PLXNA2: variants seen among roughly 807,000 people sequenced by gnomAD.
PLXNA2 encodes plexin A2, also known as plexin-A2.
In PLXNA2, 91 loss-of-function variants were observed where a neutral mutation model predicts 193.5. The ratio of observed to expected loss-of-function variants is 0.47; its 90% CI spans 0.40 to 0.56. The LOEUF is 0.56. Among genes scored for constraint, PLXNA2 ranks in the 20% least tolerant of loss-of-function variants. The pLI, the probability that PLXNA2 is intolerant of heterozygous loss-of-function variation, is 0.00. For synonymous variants in PLXNA2, 997 were observed against 1,027.3 expected, an observed-to-expected ratio of 0.97 and a Z score of 0.56; for missense variants, 1,995 against 2,503.2, an observed-to-expected ratio of 0.80 and a Z score of 4.33.
intron 29 of PLXNA2, chr1:208,030,912 G>C (rs1482514059): frequency 7.1e-6 from 7 of 985,788 alleles, no homozygotes; most frequent in Non-Finnish European, 8.4e-6. Flanking sequence ...TCTCATACCA[G>C]GGGCCTGAGG....
intron 1 of PLXNA2, among the ~76,000 whole-genome samples, chr1:208,219,190 T>G (rs993098222): frequency 5.2e-4 from 79 of 152,268 alleles, no homozygotes; most frequent in Middle Eastern, 3.4e-3. Context: ...TGCTTATTCT[T>G]CCCTGTTCCA....
At chr1:208,180,172 T>A (rs1247461860) in intron 3 of PLXNA2, among the ~76,000 whole-genome samples, 1 of 152,024 alleles carries the variant, frequency 6.6e-6, no homozygotes, top group African/African-American at 2.4e-5. Context: ...GTATTTTTTT[T>A]TTTTTTTTTA....
At chr1:208,047,762 G>T (rs1226411608) in intron 17 of PLXNA2, among the ~76,000 whole-genome samples, 1 of 152,232 alleles carries the variant, frequency 6.6e-6, no homozygotes, top group Non-Finnish European at 1.5e-5. Flanking sequence ...TGCAAAAAAA[G>T]CTGACACTTG....
Position 208,098,450 on chromosome 1 carries a change from T to TCACACA in PLXNA2, c.1731+395_1731+396insTGTGTG, listed in dbSNP as rs1445237359. 9.1e-5 allele frequency among the ~76,000 whole-genome samples: 11 copies of TCACACA among 120,334 alleles called. No homozygotes were observed. In the Admixed American group the frequency reaches 9.3e-4, roughly 10 times the overall value. 78.9% of individuals were successfully genotyped at this position (120,334 alleles called of 152,430 possible). On this transcript the variant is annotated intron_variant, in intron 6 of 31. Transcript: ENST00000367033. ...ATTCTTTCCTCTCTCTCTCTCTCTC[T>TCACACA]CTCTCTCTCACACACACACACACAC...
chr1:208,138,005 G>C (rs1471539231), intron 4 of PLXNA2, among the ~76,000 whole-genome samples: 1 of 152,158 alleles, frequency 6.6e-6, no homozygotes, highest in Non-Finnish European at 1.5e-5. Flanking sequence ...ACAGGGATGA[G>C]AGTAGGTTGC....
intron 13 of PLXNA2, among the ~76,000 whole-genome samples, chr1:208,056,632 A>G (rs1665439885): frequency 6.6e-6 from 1 of 152,116 alleles, no homozygotes; most frequent in African/African-American, 2.4e-5. Flanking sequence ...CAGTATATTC[A>G]AGCACCTAGG....
At chr1:208,071,608 C>T (rs867622638) in intron 12 of PLXNA2, among the ~76,000 whole-genome samples, 9 of 152,176 alleles carry the variant, frequency 5.9e-5, no homozygotes, top group East Asian at 3.8e-4. Context: ...ATGGCATTGG[C>T]GGTGCCAGCT....
chr1:208,119,756 T>C lies in PLXNA2; in HGVS notation c.1507-16509A>G, dbSNP rs563738709. Reference sequence around the variant, plus strand: ...TCCCAAGTAGCTGGGAATACAAGTGTGTGCCACCATGCCTGGCTAATTTAA... The same window carrying C: ...TCCCAAGTAGCTGGGAATACAAGTGCGTGCCACCATGCCTGGCTAATTTAA... On this transcript the variant is annotated intron_variant, in intron 4 of 31. Transcript: ENST00000367033. Among the ~76,000 whole-genome samples, 66 of 152,308 alleles carry C rather than the reference T, an allele frequency of 4.3e-4. 1 individual carries two copies. The highest frequency in any genetic ancestry group is 4.1e-4 in the Non-Finnish European group (28 of 68,014).
At chr1:208,175,289 A>T (rs935866875) in intron 3 of PLXNA2, among the ~76,000 whole-genome samples, 2 of 152,198 alleles carry the variant, frequency 1.3e-5, no homozygotes, top group African/African-American at 4.8e-5. Context: ...GTCTTCCTAC[A>T]TTCCAACTGG....
intron 3 of PLXNA2, among the ~76,000 whole-genome samples, chr1:208,176,868 T>TC (rs1203552765): frequency 6.6e-6 from 1 of 152,172 alleles, no homozygotes; most frequent in African/African-American, 2.4e-5. Flanking sequence ...ACTCCCTTCC[T>TC]CCTTGAGTCC....
intron 4 of PLXNA2, among the ~76,000 whole-genome samples, chr1:208,109,551 G>C (rs1667394954): frequency 6.6e-6 from 1 of 152,190 alleles, no homozygotes; most frequent in East Asian, 1.9e-4. Flanking sequence ...TATCTCATTT[G>C]ATCTGCACAA....
rs538874861 is a variant in PLXNA2, at chr1:208,053,619, T to C, written c.2856+802A>G. The stretch of plus-strand genomic sequence containing the variant: ...TTTTAAAACTCTCAGCAAGGCTGGT[T>C]TGACCCCATCTGCTAGTGTTAATGC... On this transcript the variant is annotated intron_variant, in intron 14 of 31. Transcript: ENST00000367033. Among the ~76,000 whole-genome samples the C allele has an allele frequency of 2.0e-5, 3 of 152,358 alleles. No individual in the cohort carries two copies. The South Asian group carries it at 6.2e-4, about 32-fold the overall frequency.
intron 3 of PLXNA2, among the ~76,000 whole-genome samples, chr1:208,176,528 A>G (rs1039982491): frequency 2.6e-5 from 4 of 152,224 alleles, no homozygotes; most frequent in Non-Finnish European, 5.9e-5. Context: ...GAAAATATCA[A>G]CAAGAAAAAG....
chr1:208,095,100 T>C (rs947896095), intron 8 of PLXNA2, among the ~76,000 whole-genome samples: 1 of 152,210 alleles, frequency 6.6e-6, no homozygotes, highest in Non-Finnish European at 1.5e-5. Context: ...TCCTCTGATA[T>C]GGAGCTGTTG....
At chr1:208,042,390 G>A (rs763323039) in intron 21 of PLXNA2, 24 bp from the exon 22 acceptor site, 26 of 1,605,328 alleles carry the variant, frequency 1.6e-5, no homozygotes, top group Admixed American at 5.0e-5. Flanking sequence ...TGGTGGAGGC[G>A]ACGCCCTCAG....
Position 208,123,576 on chromosome 1 carries a change from T to C in PLXNA2, c.1506+18753A>G, listed in dbSNP as rs548876990. Among the ~76,000 whole-genome samples, 61 of 152,328 alleles carry C rather than the reference T, an allele frequency of 4.0e-4. 1 individual carries two copies. Among genetic ancestry groups the C allele is most frequent in the African/African-American group, 1.4e-3 (60 of 41,586 alleles). On this transcript the variant is annotated intron_variant, in intron 4 of 31. Coordinates refer to ENST00000367033, the MANE Select transcript of PLXNA2 (RefSeq NM_025179.4). ...GGTTTTTATGATTTAGATTTAATGT[T>C]AAGAGACAAATAAGGGTCTCCTGGT...
chr1:208,189,435 G>T (rs1670106027), intron 3 of PLXNA2, among the ~76,000 whole-genome samples: 1 of 151,998 alleles, frequency 6.6e-6, no homozygotes, highest in Non-Finnish European at 1.5e-5. Context: ...AGGGAAGCAT[G>T]GTCCAGCAGG....
chr1:208,158,743 C>A lies in PLXNA2; in HGVS notation c.1372-16280G>T, dbSNP rs115531861. Among the ~76,000 whole-genome samples, 972 of 152,298 alleles carry A rather than the reference C, an allele frequency of 6.4e-3. 3 individuals are homozygous for A. The highest frequency in any genetic ancestry group is 0.011 in the Non-Finnish European group (755 of 68,022). On this transcript the variant is annotated intron_variant, in intron 3 of 31. Transcript: ENST00000367033. ...TAGGCAAACACTATGCAGGAAGCTG[C>A]GCTGGGAAAACAGGCTGTTCTCAAA...
intron 3 of PLXNA2, among the ~76,000 whole-genome samples, chr1:208,155,669 G>A (rs540949564): frequency 7.9e-5 from 12 of 152,310 alleles, no homozygotes; most frequent in African/African-American, 2.6e-4. Flanking sequence ...TGGAGGACCC[G>A]CCTGGGGCCT....
Sources: gnomAD v4.1 joint callset for allele counts (sites outside exome capture counted in the v4.1 genomes callset) on GRCh38, gnomAD v4.1.1 for gene constraint, MANE v1.5 for transcripts, NCBI Gene and HGNC (gene_info 2026-07-23, HGNC 2026-07-21) for gene names.